Variants in PCDH15 observed in about 807,000 individuals in gnomAD.
The protein encoded by PCDH15 is protocadherin-15.
In PCDH15, 129 loss-of-function variants were observed where a neutral mutation model predicts 178.5. The ratio of observed to expected loss-of-function variants is 0.72; its 90% CI spans 0.63 to 0.84. The LOEUF (loss-of-function observed/expected upper bound fraction) is 0.84, where lower values mean the gene tolerates loss of function less well. Ranked by LOEUF, PCDH15 falls within the 40% of genes least tolerant of loss-of-function variation. PCDH15 has a pLI of 0.00. For missense variants in PCDH15, 2,230 were observed against 2,099.9 expected, an observed-to-expected ratio of 1.06 and a Z score of -1.21; for synonymous variants, 800 against 732.0, an observed-to-expected ratio of 1.09 and a Z score of -1.50.
At chr10:55,296,141 G>T (rs1409942666) in intron 1 of PCDH15, among the ~76,000 whole-genome samples, 1 of 152,110 alleles carries the variant, frequency 6.6e-6, no homozygotes, top group African/African-American at 2.4e-5. Flanking sequence ...ATGGGGTGTG[G>T]AGCTTCCATG....
intron 3 of PCDH15, among the ~76,000 whole-genome samples, chr10:54,830,877 A>G (rs990311752): frequency 6.6e-6 from 1 of 152,102 alleles, no homozygotes; most frequent in Non-Finnish European, 1.5e-5. Context: ...AACTCCAGCA[A>G]ATCACTTGTC....
intron 2 of PCDH15, among the ~76,000 whole-genome samples, chr10:55,538,834 G>C (rs111209316): frequency 0.95 from 19,672 of 20,626 alleles, 9,381 homozygotes; most frequent in Middle Eastern, 1. Context: ...TCCTCCTCTC[G>C]TTCCTTCCTC....
At chr10:54,032,631 A>G (rs1242547787) in intron 18 of PCDH15, among the ~76,000 whole-genome samples, 1 of 152,208 alleles carries the variant, frequency 6.6e-6, no homozygotes, top group Admixed American at 6.6e-5. Context: ...AGAAAATAAG[A>G]CACATTTTGT....
At chr10:54,484,621 G>T (rs1361227982) in intron 3 of PCDH15, among the ~76,000 whole-genome samples, 2 of 151,776 alleles carry the variant, frequency 1.3e-5, no homozygotes, top group Non-Finnish European at 2.9e-5. Context: ...ATTGAGATAA[G>T]AAGTGTGAAA....
rs1841421268 is a variant in PCDH15 at position 55,530,342 on chromosome 10, C to T, written c.-156+97283G>A. Among the ~76,000 whole-genome samples, 3 of 151,700 alleles carry T rather than the reference C, an allele frequency of 2.0e-5. No individual in the cohort carries two copies. In the South Asian group the frequency reaches 6.2e-4, roughly 32 times the overall value. On this transcript the variant is annotated intron_variant, in intron 2 of 5. Coordinates refer to the PCDH15 transcript ENST00000613346. ...GTTGGAAGTCCTGACACTCTCTCCC[C>T]AAAAAGCTTCACATATGAATTTTAA...
intron 8 of PCDH15, among the ~76,000 whole-genome samples, chr10:54,293,026 A>G (rs2059520712): frequency 6.6e-6 from 1 of 152,224 alleles, no homozygotes; most frequent in Admixed American, 6.5e-5. Context: ...TAAGCAAAAA[A>G]GAACAAAGCT....
At chr10:54,620,379 G>A (rs2093318152) in intron 2 of PCDH15, among the ~76,000 whole-genome samples, 1 of 151,966 alleles carries the variant, frequency 6.6e-6, no homozygotes, top group South Asian at 2.1e-4. Flanking sequence ...GGGAATTTGA[G>A]ATAAAAAAGA....
chr10:55,193,462 TAATC>T (rs1315098864), intron 1 of PCDH15, among the ~76,000 whole-genome samples: 1 of 151,998 alleles, frequency 6.6e-6, no homozygotes, highest in African/African-American at 2.4e-5. Flanking sequence ...ATATGATTAT[TAATC>T]AAAATGCTTT....
At chr10:54,842,779 C>A (rs1156868243) in intron 3 of PCDH15, among the ~76,000 whole-genome samples, 1 of 151,854 alleles carries the variant, frequency 6.6e-6, no homozygotes, top group Non-Finnish European at 1.5e-5. Context: ...ATCTCTAGGA[C>A]ACAGACTGAA....
At chr10:54,866,196 C>CT (rs1953938943) in intron 3 of PCDH15, among the ~76,000 whole-genome samples, 1 of 152,162 alleles carries the variant, frequency 6.6e-6, no homozygotes, top group Admixed American at 6.6e-5. Flanking sequence ...TAAATTAGAA[C>CT]TTTAATTCAA....
chr10:55,093,447 T>C (rs1466684147), intron 2 of PCDH15, among the ~76,000 whole-genome samples: 1 of 152,106 alleles, frequency 6.6e-6, no homozygotes, highest in Non-Finnish European at 1.5e-5. Context: ...ACTCTGATGG[T>C]AATTTCTTTT....
At chr10:55,273,953 G>T (rs1467580373) in intron 1 of PCDH15, among the ~76,000 whole-genome samples, 1 of 151,934 alleles carries the variant, frequency 6.6e-6, no homozygotes, top group Non-Finnish European at 1.5e-5. Flanking sequence ...TAAATACAAG[G>T]CCATCCATGT....
chr10:55,247,487 G>A (rs1226592089), intron 1 of PCDH15, among the ~76,000 whole-genome samples: 6 of 152,080 alleles, frequency 3.9e-5, no homozygotes, highest in African/African-American at 9.7e-5. Context: ...GTTATTTTTT[G>A]GGCTGGAGGT....
chr10:54,064,699 C>T (rs1307835829), intron 18 of PCDH15, among the ~76,000 whole-genome samples: 1 of 152,194 alleles, frequency 6.6e-6, no homozygotes, highest in African/African-American at 2.4e-5. Context: ...CACGCACACA[C>T]CCAGCCTGGT....
intron 2 of PCDH15, among the ~76,000 whole-genome samples, chr10:55,043,244 T>C (rs2131979356): frequency 6.6e-6 from 1 of 152,216 alleles, no homozygotes; most frequent in Admixed American, 6.5e-5. Context: ...ACTGTTTCTT[T>C]ACTATAACCT....
At chr10:54,326,022 T>C (rs1158072753) in intron 7 of PCDH15, among the ~76,000 whole-genome samples, 2 of 152,202 alleles carry the variant, frequency 1.3e-5, no homozygotes, top group African/African-American at 4.8e-5. Flanking sequence ...GTTAGACTTA[T>C]GTTACTATTG....
At chr10:55,020,358 G>A (rs1030538473) in intron 2 of PCDH15, among the ~76,000 whole-genome samples, 2 of 151,092 alleles carry the variant, frequency 1.3e-5, no homozygotes, top group African/African-American at 4.9e-5. Context: ...CTGAAAAGAT[G>A]GATAAATATA....
At chr10:55,080,750 A>G (rs2132025168) in intron 2 of PCDH15, among the ~76,000 whole-genome samples, 1 of 152,232 alleles carries the variant, frequency 6.6e-6, no homozygotes, top group East Asian at 1.9e-4. Context: ...CATCAACAGC[A>G]TTATGGCTAC....
chr10:55,547,764 T>C (rs112075821), intron 2 of PCDH15, among the ~76,000 whole-genome samples: 12 of 152,096 alleles, frequency 7.9e-5, no homozygotes, highest in African/African-American at 2.9e-4. Context: ...TCATTACAAG[T>C]TCATCTAGCT....
Sources: gnomAD v4.1 joint callset for allele counts (sites outside exome capture counted in the v4.1 genomes callset) on GRCh38, gnomAD v4.1.1 for gene constraint, MANE v1.5 for transcripts, NCBI Gene and HGNC (gene_info 2026-07-23, HGNC 2026-07-21) for gene names.